Variants in ARMC9 observed in about 807,000 individuals in gnomAD.
ARMC9 encodes the protein armadillo repeat containing 9, also known as lisH domain-containing protein ARMC9.
ARMC9 carries 94 observed loss-of-function variants against 107.0 expected under a neutral mutation model. The ratio of observed to expected loss-of-function variants is 0.88; its 90% confidence interval spans 0.74 to 1.04. ARMC9 has a LOEUF of 1.04. ARMC9 is among the 50% of genes least tolerant of loss of function. ARMC9 has a pLI of 0.00. For missense variants in ARMC9, 942 were observed against 1,030.1 expected (o/e 0.91, Z 1.17); for synonymous variants, 380 against 396.9 (o/e 0.96, Z 0.51).
chr2:231,359,488 G>A (rs200413151), intron 22 of ARMC9, among the ~76,000 whole-genome samples: 1 of 152,018 alleles, frequency 6.6e-6, no homozygotes, highest in East Asian at 1.9e-4. Flanking sequence ...CCACCTCATG[G>A]TCTTGGGACA....
At chr2:231,369,288 C>A (rs1448876072) in intron 23 of ARMC9, among the ~76,000 whole-genome samples, 4 of 143,940 alleles carry the variant, frequency 2.8e-5, no homozygotes, top group African/African-American at 8.7e-5. Context: ...TCTTTTTTTT[C>A]TTTTTTTTTA....
intron 1 of ARMC9, among the ~76,000 whole-genome samples, chr2:231,203,833 G>A (rs1207632058): frequency 6.6e-6 from 1 of 152,142 alleles, no homozygotes; most frequent in African/African-American, 2.4e-5. Context: ...GGTGGCGGGT[G>A]CCTGTAATCC....
chr2:231,315,784 A>G (rs1404701980), intron 19 of ARMC9, among the ~76,000 whole-genome samples: 1 of 152,164 alleles, frequency 6.6e-6, no homozygotes, highest in Non-Finnish European at 1.5e-5. Flanking sequence ...ATTTGCTATC[A>G]GTGTTCTATT....
At chr2:231,285,115 T>C (rs1216036011) in intron 17 of ARMC9, among the ~76,000 whole-genome samples, 1 of 151,976 alleles carries the variant, frequency 6.6e-6, no homozygotes, top group Non-Finnish European at 1.5e-5. Flanking sequence ...GGAAAATTAC[T>C]TGAACCCAGG....
chr2:231,331,908 C>A lies in ARMC9; in HGVS notation c.1878+11C>A. ...ACGGAGTACCTGGGGGTAAGTGCCACACAAAGGGTGGGGATCCTGAAACAG... is the reference window on the plus strand; with the variant it reads ...ACGGAGTACCTGGGGGTAAGTGCCAAACAAAGGGTGGGGATCCTGAAACAG... On this transcript the variant is annotated intron_variant, in intron 20 of 24. Coordinates refer to ENST00000611582, the MANE Select transcript of ARMC9 (RefSeq NM_001352754.2). 1.9e-6 allele frequency: 3 copies of A among 1,601,026 alleles called. No individual in the cohort carries two copies. Among genetic ancestry groups the A allele is most frequent in the Non-Finnish European group, 2.6e-6 (3 of 1,168,960 alleles).
At chr2:231,271,788 A>G (rs1488684687) in intron 13 of ARMC9, among the ~76,000 whole-genome samples, 2 of 152,180 alleles carry the variant, frequency 1.3e-5, no homozygotes, top group Admixed American at 1.3e-4. Flanking sequence ...AACATCTTCC[A>G]TATCCATTCA....
At chr2:231,346,145 A>G (rs2044803419) in intron 21 of ARMC9, among the ~76,000 whole-genome samples, 1 of 152,208 alleles carries the variant, frequency 6.6e-6, no homozygotes, top group Admixed American at 6.5e-5. Flanking sequence ...ATTTTTAGTT[A>G]CTGATGTATA....
At chr2:231,306,380 A>G (rs1014616754) in intron 19 of ARMC9, among the ~76,000 whole-genome samples, 3 of 152,182 alleles carry the variant, frequency 2.0e-5, no homozygotes, top group African/African-American at 7.2e-5. Flanking sequence ...CCTTTTTTTA[A>G]TATCCAGAAT....
At chr2:231,289,638 G>A (rs1050840620) in intron 17 of ARMC9, among the ~76,000 whole-genome samples, 6 of 152,204 alleles carry the variant, frequency 3.9e-5, no homozygotes, top group Admixed American at 6.5e-5. Context: ...GGCCAAGGCA[G>A]TCATTGGTTG....
At chr2:231,212,806 C>A (rs1315861298) in intron 3 of ARMC9, among the ~76,000 whole-genome samples, 1 of 152,256 alleles carries the variant, frequency 6.6e-6, no homozygotes, top group Non-Finnish European at 1.5e-5. Context: ...GGCGCTAACA[C>A]ACTGTCCCTC....
intron 7 of ARMC9, among the ~76,000 whole-genome samples, chr2:231,230,496 C>T (rs1574689777): frequency 2.0e-5 from 3 of 152,202 alleles, no homozygotes; most frequent in Admixed American, 2.0e-4. Context: ...TGAGCTATCA[C>T]CCACGTAGCT....
intron 5 of ARMC9, among the ~76,000 whole-genome samples, chr2:231,222,304 A>T (rs2034225769): frequency 6.6e-6 from 1 of 152,016 alleles, no homozygotes; most frequent in South Asian, 2.1e-4. Flanking sequence ...TATCTAGACG[A>T]GGTTTGTGGA....
intron 23 of ARMC9, among the ~76,000 whole-genome samples, chr2:231,363,925 A>G (rs758727132): frequency 1.8e-4 from 27 of 151,060 alleles, no homozygotes; most frequent in Non-Finnish European, 5.9e-5. Flanking sequence ...AGACCCTACA[A>G]TCATGGTGCC....
At chr2:231,287,128 C>G (rs2040650500) in intron 17 of ARMC9, among the ~76,000 whole-genome samples, 2 of 152,210 alleles carry the variant, frequency 1.3e-5, no homozygotes, top group Admixed American at 1.3e-4. Flanking sequence ...GCTTAGAAGC[C>G]ACTCAGCCCA....
At chr2:231,340,881 C>T (rs751694560) in intron 20 of ARMC9, among the ~76,000 whole-genome samples, 13 of 152,064 alleles carry the variant, frequency 8.5e-5, no homozygotes, top group Admixed American at 1.3e-4. Flanking sequence ...GAGCAAGCTC[C>T]GTCTCAAAAC....
chr2:231,298,610 A>G (rs1390715583), intron 19 of ARMC9, among the ~76,000 whole-genome samples: 1 of 152,150 alleles, frequency 6.6e-6, no homozygotes, highest in Admixed American at 6.5e-5. Context: ...GAAAAATGAA[A>G]CCACTGTTTT....
chr2:231,370,036 C>T lies in ARMC9; in HGVS notation c.2345C>T (p.Ala782Val), dbSNP rs1413325205. 1.4e-5 allele frequency: 22 copies of T among 1,535,746 alleles called. No individual in the cohort carries two copies. The highest frequency in any genetic ancestry group is 2.4e-5 in the South Asian group (2 of 84,012). ...MLDWNPPKAK[A>V]SVLAPLFSSC... The stretch of plus-strand genomic sequence containing the variant: ...GACTGGAACCCACCCAAGGCAAAGG[C>T]GTCAGTTCTGGCCCCTCTGTTCTCT... Residue 782 changes from alanine to valine, a missense_variant, in exon 24 of 25, where the codon GCG (alanine) becomes GTG (valine). Coordinates refer to ENST00000611582, the MANE Select transcript of ARMC9 (RefSeq NM_001352754.2).
chr2:231,281,004 C>T (rs1037847042), intron 16 of ARMC9, among the ~76,000 whole-genome samples: 2 of 152,150 alleles, frequency 1.3e-5, no homozygotes, highest in Admixed American at 1.3e-4. Context: ...GAAACGAGCC[C>T]TCCTCCATTG....
Position 231,358,639 on chromosome 2 carries a change from C to T in ARMC9, c.2132-2115C>T, listed in dbSNP as rs746589420. Among the ~76,000 whole-genome samples, 20 of 152,210 alleles carry T rather than the reference C, an allele frequency of 1.3e-4. No individual in the cohort carries two copies. The highest frequency in any genetic ancestry group is 2.9e-4 in the Non-Finnish European group (20 of 68,038). On this transcript the variant is annotated intron_variant, in intron 22 of 24. Transcript: ENST00000611582. This position sits in a 1 kb window ranked among gnomAD's most constrained non-coding sequence, Gnocchi z 4.5. Reference sequence around the variant, plus strand: ...CACCCAGAGACCCCGTGGAAACCCCCACCTTCACGCTGAGTTTCTTGAGGA... The same window carrying T: ...CACCCAGAGACCCCGTGGAAACCCCTACCTTCACGCTGAGTTTCTTGAGGA...
Sources: allele counts gnomAD v4.1 joint callset (sites outside exome capture counted in the v4.1 genomes callset), GRCh38; gene constraint gnomAD v4.1.1; non-coding constraint Gnocchi (gnomAD v3.1); transcripts MANE v1.5; gene names NCBI Gene and HGNC (gene_info 2026-07-23, HGNC 2026-07-21).